SPTLC2: variants seen among roughly 807,000 people sequenced by gnomAD.
SPTLC2 encodes serine palmitoyltransferase long chain base subunit 2.
SPTLC2 carries 21 observed loss-of-function variants against 62.0 expected under a neutral mutation model. The ratio of observed to expected loss-of-function variants is 0.34; its 90% confidence interval spans 0.24 to 0.49. The LOEUF (loss-of-function observed/expected upper bound fraction) is 0.49, where lower values mean the gene tolerates loss of function less well. Among genes scored for constraint, SPTLC2 ranks in the 20% least tolerant of loss-of-function variants. The pLI, the probability that SPTLC2 is intolerant of heterozygous loss-of-function variation, is 0.99. For synonymous variants in SPTLC2, 261 were observed against 261.8 expected (o/e 1.00, Z 0.03); for missense variants, 511 against 713.0 (o/e 0.72, Z 3.23).
chr14:77,518,206 G>T, intron 10 of SPTLC2, 39 bp from the exon 11 acceptor site: 1 of 1,613,304 alleles, frequency 6.2e-7, no homozygotes, highest in South Asian at 1.1e-5. Flanking sequence ...CAGGAGGAGT[G>T]AAAAAGCACT....
intron 1 of SPTLC2, among the ~76,000 whole-genome samples, chr14:77,605,633 T>C (rs1316392966): frequency 6.6e-6 from 1 of 152,206 alleles, no homozygotes; most frequent in Non-Finnish European, 1.5e-5. Flanking sequence ...GGGCTTGCCA[T>C]AGGCAGAACT....
chr14:77,584,489 A>C (rs1316840034), intron 2 of SPTLC2, among the ~76,000 whole-genome samples: 2 of 148,522 alleles, frequency 1.3e-5, no homozygotes, highest in African/African-American at 5.0e-5. Flanking sequence ...GTATGTAAAT[A>C]TACATACTCT....
rs146505871 is a variant in SPTLC2, at chr14:77,582,831, A to G, written c.328-3722T>C. Among the ~76,000 whole-genome samples the G allele has an allele frequency of 4.8e-3, 729 of 152,278 alleles. 12 individuals carry two copies. The highest frequency in any genetic ancestry group is 0.016 in the African/African-American group (684 of 41,544). ...GTAGGAGAGAGGGACTTACGGCCGA[A>G]ATCTCAGCTCCCCTTTACTCCTTAG... On this transcript the variant is annotated intron_variant, in intron 2 of 11. Coordinates refer to ENST00000216484, the MANE Select transcript of SPTLC2 (RefSeq NM_004863.4).
At chr14:77,595,610 G>C (rs896129283) in intron 2 of SPTLC2, among the ~76,000 whole-genome samples, 4 of 152,148 alleles carry the variant, frequency 2.6e-5, no homozygotes, top group African/African-American at 4.8e-5. Flanking sequence ...GTTCTCCCAG[G>C]AGCCACTTTT....
Position 77,616,626 on chromosome 14 carries a change from G to C in SPTLC2, c.-47C>G. ...AAGGCAGGCTCTGTAGGCGGTGGCAGCGGCGGCGGCTGCTCCAAGTCCCGC... is the reference window on the plus strand; with the variant it reads ...AAGGCAGGCTCTGTAGGCGGTGGCACCGGCGGCGGCTGCTCCAAGTCCCGC... On this transcript the variant is annotated 5_prime_UTR_variant, in exon 1 of 12. Transcript: ENST00000216484. 1 of 1,514,050 alleles carries C rather than the reference G, an allele frequency of 6.6e-7. No homozygotes were observed. Among genetic ancestry groups the C allele is most frequent in the South Asian group, 1.2e-5 (1 of 83,574 alleles). 93.8% of individuals were successfully genotyped at this position (1,514,050 alleles called of 1,614,324 possible).
intron 1 of SPTLC2, among the ~76,000 whole-genome samples, chr14:77,610,937 G>T (rs1180191563): frequency 8.1e-6 from 1 of 123,842 alleles, no homozygotes; most frequent in African/African-American, 3.1e-5. Context: ...ATTTTTGTTT[G>T]TTTGTTTAAG....
rs201139813 is a variant in SPTLC2 at position 77,589,285 on chromosome 14, C to CT, written c.327+7900dup. ...TTAAAAACAGGAAGCCACTTCCTTG[C>CT]TGTTTCTATGCTGTCCATGAAAGCG... On this transcript the variant is annotated intron_variant, in intron 2 of 11. Transcript: ENST00000216484. 5.3e-3 allele frequency among the ~76,000 whole-genome samples: 799 copies of CT among 152,148 alleles called. 5 individuals are homozygous for CT. The highest frequency in any genetic ancestry group is 0.01 in the Middle Eastern group (3 of 292).
intron 8 of SPTLC2, chr14:77,554,969 GT>G (rs1594986671): frequency 2.8e-6 from 1 of 362,288 alleles, no homozygotes; most frequent in East Asian, 6.7e-5. Context: ...CAACCCCACT[GT>G]TTTTGAAACT....
intron 1 of SPTLC2, among the ~76,000 whole-genome samples, chr14:77,598,285 C>A (rs2079859125): frequency 6.6e-6 from 1 of 152,110 alleles, no homozygotes; most frequent in Admixed American, 6.5e-5. Context: ...CACCACCTAA[C>A]ACTGATTTTT....
chr14:77,523,069 C>T (rs1324082591), intron 9 of SPTLC2, among the ~76,000 whole-genome samples: 1 of 152,160 alleles, frequency 6.6e-6, no homozygotes, highest in African/African-American at 2.4e-5. Flanking sequence ...TATGTCATCG[C>T]TTAAGTTACA....
intron 9 of SPTLC2, among the ~76,000 whole-genome samples, chr14:77,536,926 C>A (rs1033373006): frequency 1.3e-5 from 2 of 148,882 alleles, no homozygotes; most frequent in Admixed American, 1.3e-4. Flanking sequence ...CCCCCACCCC[C>A]CCACTTCTTT....
intron 4 of SPTLC2, among the ~76,000 whole-genome samples, chr14:77,571,487 C>A (rs1417550980): frequency 5.3e-5 from 7 of 131,142 alleles, no homozygotes; most frequent in South Asian, 2.6e-4. Flanking sequence ...CCAGCCTAGG[C>A]AACAGAGCGA....
At chr14:77,544,594 T>C (rs2079518350) in intron 9 of SPTLC2, among the ~76,000 whole-genome samples, 1 of 152,188 alleles carries the variant, frequency 6.6e-6, no homozygotes, top group Non-Finnish European at 1.5e-5. Context: ...GTACTAAAAG[T>C]ACCTCTGATG....
intron 7 of SPTLC2, among the ~76,000 whole-genome samples, chr14:77,555,727 T>C (rs2079579916): frequency 6.6e-6 from 1 of 152,004 alleles, no homozygotes; most frequent in Non-Finnish European, 1.5e-5. Flanking sequence ...GCGATTCTTG[T>C]GCCTCAGCCT....
In SPTLC2 at chr14:77,529,620, C is replaced by CTTTCTTTTTTTTTTTTTTTTTTT. The variant is rs1555373703; in HGVS notation, c.1304-8040_1304-8039insAAAAAAAAAAAAAAAAAAAGAAA. ...TTCTAGGAAAGCAATTTCTTTCTTTCTTTTTTTTTTTTTTTTTTTTTTGAG... is the reference window on the plus strand; with the variant it reads ...TTCTAGGAAAGCAATTTCTTTCTTTCTTTCTTTTTTTTTTTTTTTTTTTTTTTTTTTTTTTTTTTTTTTTTGAG... On this transcript the variant is annotated intron_variant, in intron 9 of 11. Transcript: ENST00000216484. Among the ~76,000 whole-genome samples, 58 of 76,052 alleles carry CTTTCTTTTTTTTTTTTTTTTTTT rather than the reference C, an allele frequency of 7.6e-4. 3 individuals are homozygous for CTTTCTTTTTTTTTTTTTTTTTTT. Among genetic ancestry groups the CTTTCTTTTTTTTTTTTTTTTTTT allele is most frequent in the Non-Finnish European group, 1.3e-3 (49 of 36,816 alleles). The allele number at this position is 76,052 out of a possible 152,430, so 49.9% of individuals were successfully genotyped here. A position where few individuals can be genotyped will look rare whatever the true frequency, so the allele number is the denominator to read the frequency against.
At chr14:77,547,722 G>C (rs908855144) in intron 9 of SPTLC2, 1 of 152,122 alleles carries the variant, frequency 6.6e-6, no homozygotes, top group African/African-American at 2.4e-5. Flanking sequence ...CTACTTCTGG[G>C]AGGTCATCAT....
rs568782912 is a variant in SPTLC2, at chr14:77,543,694, C to T, written c.1303+8402G>A. 4.7e-4 allele frequency among the ~76,000 whole-genome samples: 72 copies of T among 152,292 alleles called. 1 individual carries two copies. The highest frequency in any genetic ancestry group is 1.7e-3 in the African/African-American group (71 of 41,566). ...ATTAATTCCAACTAGCCTTAGGAAC[C>T]ATGACCACAGATCTCTGAATGCTTA... On this transcript the variant is annotated intron_variant, in intron 9 of 11. Transcript: ENST00000216484.
chr14:77,593,550 G>C (rs1028748724), intron 2 of SPTLC2, among the ~76,000 whole-genome samples: 7 of 151,934 alleles, frequency 4.6e-5, no homozygotes, highest in African/African-American at 1.5e-4. Context: ...AGGATTAAGG[G>C]GTAAAGAATT....
rs10132918 is a variant in SPTLC2, at chr14:77,552,357, G to T, written c.1177-135C>A. 1.3e-3 allele frequency: 1,445 copies of T among 1,077,944 alleles called. 12 individuals carry two copies. In the African/African-American group the frequency reaches 0.02, roughly 15 times the overall value. 66.8% of individuals were successfully genotyped at this position (1,077,944 alleles called of 1,614,324 possible). ...TAGGGACACTAATCTGAGATACAAG[G>T]TCAACCAACATGGTCGAAGCATACC... is the stretch of plus-strand genomic sequence containing the variant. On this transcript the variant is annotated intron_variant, in intron 8 of 11. Coordinates refer to ENST00000216484, the MANE Select transcript of SPTLC2 (RefSeq NM_004863.4).
Sources: gnomAD v4.1 joint callset for allele counts (sites outside exome capture counted in the v4.1 genomes callset) on GRCh38, gnomAD v4.1.1 for gene constraint, MANE v1.5 for transcripts, NCBI Gene and HGNC (gene_info 2026-07-23, HGNC 2026-07-21) for gene names.